Variants in OR1J2 observed in about 807,000 individuals in gnomAD.
The protein encoded by OR1J2 is olfactory receptor family 1 subfamily J member 2.
For missense variants in OR1J2, 304 were observed against 246.1 expected, an observed-to-expected ratio of 1.24 and a Z score of -1.57; for synonymous variants, 142 against 99.7, an observed-to-expected ratio of 1.42 and a Z score of -2.52.
At chr9:122,458,868 A>G in the OR1J2 span, among the ~76,000 whole-genome samples, 1 of 152,028 alleles carries the variant, frequency 6.6e-6, no homozygotes, top group Admixed American at 6.6e-5. Context: ...CTGAACTTCA[A>G]TTACATATAT....
chr9:122,496,130 G>A, the OR1J2 span, among the ~76,000 whole-genome samples: 2 of 152,158 alleles, frequency 1.3e-5, no homozygotes, highest in South Asian at 4.1e-4. Flanking sequence ...CCTTGGTTGT[G>A]TTTTTATTTA....
the OR1J2 span, among the ~76,000 whole-genome samples, chr9:122,455,203 A>C: frequency 6.6e-6 from 1 of 152,210 alleles, no homozygotes; most frequent in African/African-American, 2.4e-5. Flanking sequence ...TTTTGTTTGA[A>C]TACCTATTTT....
At chr9:122,554,161 G>T in the OR1J2 span, 3 of 1,607,512 alleles carry the variant, frequency 1.9e-6, no homozygotes, top group South Asian at 2.2e-5. Flanking sequence ...TTCTTTTTAT[G>T]ATTAGACATC....
chr9:122,519,545 C>T, the OR1J2 span: 3 of 1,614,082 alleles, frequency 1.9e-6, no homozygotes, highest in Non-Finnish European at 2.5e-6. Flanking sequence ...ACACCACTAT[C>T]ATGAAAGAGG....
chr9:122,505,120 C>G, the OR1J2 span, among the ~76,000 whole-genome samples: 149 of 152,262 alleles, frequency 9.8e-4, 1 homozygote, highest in African/African-American at 3.1e-3. Flanking sequence ...GTCATCACAC[C>G]TAGAAAGAAG....
chr9:122,544,196 A>T, the OR1J2 span, among the ~76,000 whole-genome samples: 3 of 151,686 alleles, frequency 2.0e-5, no homozygotes, highest in African/African-American at 4.8e-5. Context: ...TTTAAATTTA[A>T]TTTTTTTTAA....
the OR1J2 span, among the ~76,000 whole-genome samples, chr9:122,504,858 C>T: frequency 3.3e-5 from 5 of 152,172 alleles, no homozygotes; most frequent in Non-Finnish European, 7.3e-5. Flanking sequence ...AATCTGCCCA[C>T]TTGCCATACA....
the OR1J2 span, among the ~76,000 whole-genome samples, chr9:122,461,927 A>T: frequency 6.6e-6 from 1 of 152,196 alleles, no homozygotes; most frequent in Non-Finnish European, 1.5e-5. Flanking sequence ...AATATGTGTT[A>T]AGTCCATTTG....
At chr9:122,487,458 A>C in the OR1J2 span, among the ~76,000 whole-genome samples, 6 of 148,980 alleles carry the variant, frequency 4.0e-5, no homozygotes, top group Non-Finnish European at 8.9e-5. Flanking sequence ...GGAGATGATT[A>C]ACACACACAC....
chr9:122,552,811 G>T, the OR1J2 span, among the ~76,000 whole-genome samples: 1 of 146,488 alleles, frequency 6.8e-6, no homozygotes, highest in African/African-American at 2.5e-5. Flanking sequence ...AGGAGGGGTA[G>T]GAGTTTGATG....
chr9:122,463,323 T>C, the OR1J2 span, among the ~76,000 whole-genome samples: 1 of 152,214 alleles, frequency 6.6e-6, no homozygotes, highest in African/African-American at 2.4e-5. Context: ...ATTTTTCCAT[T>C]CATATCCTGT....
the OR1J2 span, among the ~76,000 whole-genome samples, chr9:122,562,828 T>C: frequency 6.6e-6 from 1 of 152,122 alleles, no homozygotes; most frequent in African/African-American, 2.4e-5. Flanking sequence ...TCATCCATGC[T>C]GCCACAAAAG....
chr9:122,512,659 T>C (rs2119383059), downstream of OR1J2, among the ~76,000 whole-genome samples: 1 of 152,314 alleles, frequency 6.6e-6, no homozygotes, highest in South Asian at 2.1e-4. Context: ...ATTATCTCAT[T>C]TGTATATAAT....
At chr9:122,460,556 A>G in the OR1J2 span, among the ~76,000 whole-genome samples, 1 of 151,530 alleles carries the variant, frequency 6.6e-6, no homozygotes, top group African/African-American at 2.4e-5. Context: ...ATGCCTCCAG[A>G]TTTGTTCTTT....
chr9:122,560,710 G>A, the OR1J2 span, among the ~76,000 whole-genome samples: 69 of 152,294 alleles, frequency 4.5e-4, no homozygotes, highest in African/African-American at 1.6e-3. Context: ...TTAGTCTGAT[G>A]GGTTTCCCTT....
chr9:122,452,612 T>C, the OR1J2 span, among the ~76,000 whole-genome samples: 1 of 152,132 alleles, frequency 6.6e-6, no homozygotes, highest in Non-Finnish European at 1.5e-5. Context: ...TACTGTGATA[T>C]GGTTTGGATA....
upstream of OR1J2, among the ~76,000 whole-genome samples, chr9:122,508,780 A>T (rs551590362): frequency 6.6e-6 from 1 of 152,340 alleles, no homozygotes; most frequent in Admixed American, 6.5e-5. Flanking sequence ...GCTTTAACAA[A>T]TTACCACAAG....
chr9:122,490,029 T>G, the OR1J2 span, among the ~76,000 whole-genome samples: 1 of 152,214 alleles, frequency 6.6e-6, no homozygotes, highest in East Asian at 1.9e-4. Flanking sequence ...CTCTCGATTT[T>G]GCAACACAAC....
At chr9:122,509,102 G>C (rs1223844649), upstream of OR1J2, among the ~76,000 whole-genome samples, 2 of 152,156 alleles carry the variant, frequency 1.3e-5, no homozygotes, top group Non-Finnish European at 1.5e-5. Context: ...GATAATCCAG[G>C]ATAAGCTCCC....
Sources: allele counts gnomAD v4.1 joint callset (sites outside exome capture counted in the v4.1 genomes callset), GRCh38; gene constraint gnomAD v4.1.1; transcripts MANE v1.5; gene names NCBI Gene and HGNC (gene_info 2026-07-23, HGNC 2026-07-21).